Variants in LHPP observed in about 807,000 individuals in gnomAD.
The protein encoded by LHPP is phospholysine phosphohistidine inorganic pyrophosphate phosphatase, also known as hLHPP.
In LHPP, 24 loss-of-function variants were observed where a neutral mutation model predicts 30.3. That is an observed-to-expected ratio of 0.79 (90% confidence interval 0.57 to 1.11). The LOEUF (loss-of-function observed/expected upper bound fraction) is 1.11, where lower values mean the gene tolerates loss of function less well. LHPP is among the 50% of genes most tolerant of loss of function. The pLI is 0.00. For missense variants in LHPP, 356 were observed against 367.2 expected, an observed-to-expected ratio of 0.97 and a Z score of 0.25; for synonymous variants, 150 against 157.1, an observed-to-expected ratio of 0.95 and a Z score of 0.34.
Position 124,590,851 on chromosome 10 carries a change from T to A in LHPP, c.717-22413T>A, listed in dbSNP as rs983618194. 1.3e-5 allele frequency among the ~76,000 whole-genome samples: 2 copies of A among 152,236 alleles called. No homozygotes were observed. The highest frequency in any genetic ancestry group is 4.8e-5 in the African/African-American group (2 of 41,468). ...GAGGGACAGGATGGCTTCGTATCCATCTGGCTGTGCCCTGTAACTCAAGGG... is the reference window on the plus strand; with the variant it reads ...GAGGGACAGGATGGCTTCGTATCCAACTGGCTGTGCCCTGTAACTCAAGGG... On this transcript the variant is annotated intron_variant, in intron 6 of 6. Coordinates refer to ENST00000368842, the MANE Select transcript of LHPP (RefSeq NM_022126.4). This position sits in a 1 kb window ranked among gnomAD's most constrained non-coding sequence, Gnocchi z 4.3.
chr10:124,540,178 T>C (rs1426972213), intron 6 of LHPP, among the ~76,000 whole-genome samples: 1 of 152,066 alleles, frequency 6.6e-6, no homozygotes, highest in Non-Finnish European at 1.5e-5. Context: ...TGCGCTTCGG[T>C]GGAGATGCTG....
intron 6 of LHPP, among the ~76,000 whole-genome samples, chr10:124,603,662 C>A (rs1949056369): frequency 6.6e-6 from 1 of 152,238 alleles, no homozygotes; most frequent in African/African-American, 2.4e-5. Flanking sequence ...AAGCTGGGAG[C>A]CTCCTCGCGG....
intron 6 of LHPP, among the ~76,000 whole-genome samples, chr10:124,565,763 C>T (rs1206293091): frequency 6.6e-6 from 1 of 152,220 alleles, no homozygotes; most frequent in African/African-American, 2.4e-5. Flanking sequence ...ACCTGGAGAC[C>T]GCTTTGGCCT....
At chr10:124,469,528 T>C (rs149492741) in intron 1 of LHPP, among the ~76,000 whole-genome samples, 4 of 152,114 alleles carry the variant, frequency 2.6e-5, no homozygotes, top group Admixed American at 6.6e-5. Context: ...GCTTCCTCTT[T>C]TCAAAGTGAG....
chr10:124,559,897 G>A (rs555753425), intron 6 of LHPP, among the ~76,000 whole-genome samples: 3 of 152,366 alleles, frequency 2.0e-5, no homozygotes, highest in African/African-American at 4.8e-5. Context: ...TTCAGCCAGC[G>A]CTGCCAAGTG....
rs533450038 is a variant in LHPP, at chr10:124,591,173, A to G, written c.717-22091A>G. ...AAAGCAGGGGTGAGGCAAGCGGGGA[A>G]GACTCTCTGTACCTGATCAGTGGCA... On this transcript the variant is annotated intron_variant, in intron 6 of 6. Coordinates refer to ENST00000368842, the MANE Select transcript of LHPP (RefSeq NM_022126.4). Among the ~76,000 whole-genome samples, 4 of 152,284 alleles carry G rather than the reference A, an allele frequency of 2.6e-5. No individual in the cohort carries two copies. In the East Asian group the frequency reaches 7.7e-4, roughly 29 times the overall value.
intron 1 of LHPP, among the ~76,000 whole-genome samples, chr10:124,470,508 G>T (rs540893101): frequency 3.3e-5 from 5 of 152,224 alleles, no homozygotes; most frequent in African/African-American, 1.2e-4. Context: ...CTCCTAGTAG[G>T]TCTGGAACAG....
intron 6 of LHPP, among the ~76,000 whole-genome samples, chr10:124,526,975 C>T (rs1169066146): frequency 6.6e-6 from 1 of 152,222 alleles, no homozygotes; most frequent in African/African-American, 2.4e-5. Flanking sequence ...AGGCCGGCCA[C>T]CTGCCCAAAA....
chr10:124,609,246 T>C (rs1474162648), intron 6 of LHPP, among the ~76,000 whole-genome samples: 1 of 152,244 alleles, frequency 6.6e-6, no homozygotes, highest in African/African-American at 2.4e-5. Context: ...GAGCATTATA[T>C]GTGGCTTCTC....
At chr10:124,497,234 C>T (rs1420913676) in intron 4 of LHPP, among the ~76,000 whole-genome samples, 1 of 140,102 alleles carries the variant, frequency 7.1e-6, no homozygotes, top group Admixed American at 7.0e-5. Flanking sequence ...TCTCTCCCTT[C>T]CCATCCTTCC....
In LHPP at chr10:124,507,930, G is replaced by A. The variant is rs377214745; in HGVS notation, c.625-9250G>A. Among the ~76,000 whole-genome samples the A allele has an allele frequency of 1.0e-3, 81 of 77,412 alleles. 7 individuals are homozygous for A. Among genetic ancestry groups the A allele is most frequent in the African/African-American group, 5.4e-3 (77 of 14,142 alleles). 50.8% of individuals were successfully genotyped at this position (77,412 alleles called of 152,430 possible). ...ACAGGATTTCAGGTGGGGAGGGTAG[G>A]CATGAGGGCTGCAGTGATCTTCATG... On this transcript the variant is annotated intron_variant, in intron 5 of 6. Coordinates refer to ENST00000368842, the MANE Select transcript of LHPP (RefSeq NM_022126.4).
At chr10:124,468,497 C>G (rs1255464104) in intron 1 of LHPP, among the ~76,000 whole-genome samples, 1 of 152,176 alleles carries the variant, frequency 6.6e-6, no homozygotes, top group Non-Finnish European at 1.5e-5. Context: ...CCTGCAGAAC[C>G]GATGGCCTGG....
chr10:124,534,648 C>T (rs1954979220), intron 6 of LHPP, among the ~76,000 whole-genome samples: 2 of 152,212 alleles, frequency 1.3e-5, no homozygotes, highest in Admixed American at 1.3e-4. Context: ...CAGTGAGGCC[C>T]CCGGGAGACA....
At chr10:124,487,528 T>A (rs536952618) in intron 2 of LHPP, among the ~76,000 whole-genome samples, 1 of 151,638 alleles carries the variant, frequency 6.6e-6, no homozygotes, top group African/African-American at 2.4e-5. Flanking sequence ...CTGCAACCTC[T>A]GCCTCTCGGG....
intron 5 of LHPP, chr10:124,498,660 C>CTTTTTTTTTTTTT (rs552228070): frequency 1.2e-4 from 43 of 354,420 alleles, no homozygotes; most frequent in East Asian, 3.2e-4. Flanking sequence ...TTTTCTTTTT[C>CTTTTTTTTTTTTT]TTTTTTTTTT....
At position 124,478,682 on chromosome 10, in the gene LHPP, G is replaced by A. The variant is rs1953029762; in HGVS notation, c.126-5457G>A. On this transcript the variant is annotated intron_variant, in intron 1 of 6. Coordinates refer to ENST00000368842, the MANE Select transcript of LHPP (RefSeq NM_022126.4). The surrounding 1 kb of genome is among the most constrained non-coding windows in gnomAD (Gnocchi z 4.7). ...GTAAGGGCCGGTTCATCTGATGCAC[G>A]GTAATTGCCCCGGGCGATGTTGTCA... Among the ~76,000 whole-genome samples, 1 of 152,222 alleles carries A rather than the reference G, an allele frequency of 6.6e-6. No homozygotes were observed. Among genetic ancestry groups the A allele is most frequent in the Non-Finnish European group, 1.5e-5 (1 of 68,040 alleles).
intron 6 of LHPP, among the ~76,000 whole-genome samples, chr10:124,611,701 A>G (rs1308990113): frequency 1.3e-5 from 2 of 152,060 alleles, no homozygotes; most frequent in African/African-American, 4.8e-5. Flanking sequence ...TGGGCTGAGA[A>G]CCCTTAAAAG....
rs182865895 is a variant in LHPP at position 124,471,441 on chromosome 10, A to G, written c.125+9454A>G. ...TATTATATATATATTTATATATTAT[A>G]TATATTTATATATTTATATATATTT... On this transcript the variant is annotated intron_variant, in intron 1 of 6. Coordinates refer to ENST00000368842, the MANE Select transcript of LHPP (RefSeq NM_022126.4). Among the ~76,000 whole-genome samples, 45 of 5,780 alleles carry G rather than the reference A, an allele frequency of 7.8e-3. 5 individuals are homozygous for G. The East Asian group carries it at 0.081, about 10-fold the overall frequency. 3.8% of individuals were successfully genotyped at this position (5,780 alleles called of 152,430 possible). A position where few individuals can be genotyped will look rare whatever the true frequency, so the allele number is the denominator to read the frequency against.
chr10:124,512,397 A>T (rs1954325146), intron 5 of LHPP, among the ~76,000 whole-genome samples: 1 of 152,030 alleles, frequency 6.6e-6, no homozygotes, highest in Admixed American at 6.6e-5. Context: ...CAGGTGGATG[A>T]CTTGGTCAGG....
Sources: gnomAD v4.1 joint callset for allele counts (sites outside exome capture counted in the v4.1 genomes callset) on GRCh38, gnomAD v4.1.1 for gene constraint, Gnocchi (gnomAD v3.1) non-coding constraint, MANE v1.5 for transcripts, NCBI Gene and HGNC (gene_info 2026-07-23, HGNC 2026-07-21) for gene names.